ANO10: variants seen among roughly 807,000 people sequenced by gnomAD.
ANO10 encodes the protein anoctamin-10.
In ANO10, 77 loss-of-function variants were observed where a neutral mutation model predicts 74.7. The ratio of observed to expected loss-of-function variants is 1.03; its 90% CI spans 0.86 to 1.25. The LOEUF is 1.25. ANO10 is among the 50% of genes most tolerant of loss of function. The probability of loss-of-function intolerance (pLI) is 0.00; values close to 1 mark genes in which losing one functional copy is unlikely to be tolerated. For missense variants in ANO10, 721 were observed against 778.1 expected (o/e 0.93, Z 0.87); for synonymous variants, 279 against 284.9 (o/e 0.98, Z 0.21).
chr3:43,462,863 G>A (rs889787967), intron 11 of ANO10, among the ~76,000 whole-genome samples: 8 of 152,320 alleles, frequency 5.3e-5, no homozygotes, highest in African/African-American at 1.9e-4. Flanking sequence ...GGCTGAAAGG[G>A]GCCAATGTAG....
chr3:43,446,085 C>T (rs1174880481), intron 11 of ANO10, among the ~76,000 whole-genome samples: 1 of 152,146 alleles, frequency 6.6e-6, no homozygotes, highest in Non-Finnish European at 1.5e-5. Context: ...GTGTAGAATT[C>T]TTAGAGTGGG....
chr3:43,479,299 C>T (rs562621422), intron 11 of ANO10, among the ~76,000 whole-genome samples: 2 of 152,238 alleles, frequency 1.3e-5, no homozygotes, highest in Admixed American at 6.5e-5. Context: ...GTTTCTATAC[C>T]TAATTATCCT....
chr3:43,484,114 G>A (rs2076374356), intron 11 of ANO10, among the ~76,000 whole-genome samples: 1 of 151,974 alleles, frequency 6.6e-6, no homozygotes. Flanking sequence ...TTGTTTGTTT[G>A]TAGAGATGGG....
At chr3:43,691,340 C>G in intron 1 of ANO10, 1 of 248,866 alleles carries the variant, frequency 4.0e-6, no homozygotes. Flanking sequence ...AGCCACCCCG[C>G]GGGCCGGCGA....
At chr3:43,428,796 C>CAAAGAAAAA (rs2092936554) in intron 12 of ANO10, among the ~76,000 whole-genome samples, 1 of 55,424 alleles carries the variant, frequency 1.8e-5, no homozygotes, top group African/African-American at 6.7e-5. Context: ...TTTGTGAATG[C>CAAAGAAAAA]AAAAAAAAAA....
chr3:43,588,996 A>C (rs2081600378), intron 4 of ANO10, among the ~76,000 whole-genome samples: 1 of 152,196 alleles, frequency 6.6e-6, no homozygotes, highest in African/African-American at 2.4e-5. Context: ...CAAAATTAAC[A>C]ATGTATACGT....
intron 7 of ANO10, among the ~76,000 whole-genome samples, chr3:43,566,168 C>G (rs1465926323): frequency 6.6e-6 from 1 of 152,222 alleles, no homozygotes; most frequent in African/African-American, 2.4e-5. Flanking sequence ...TATCCTGCAC[C>G]TGGCTCGGAG....
chr3:43,614,067 T>C (rs2082965521), intron 1 of ANO10, among the ~76,000 whole-genome samples: 1 of 152,038 alleles, frequency 6.6e-6, no homozygotes, highest in Admixed American at 6.6e-5. Flanking sequence ...GTGAAAAAAA[T>C]AGCAAAGTTG....
intron 1 of ANO10, chr3:43,691,040 G>A (rs1178656853): frequency 5.1e-6 from 8 of 1,556,164 alleles, no homozygotes; most frequent in East Asian, 2.6e-5. Flanking sequence ...CCGGAGAGAG[G>A]TAAGCGCAGC....
intron 5 of ANO10, among the ~76,000 whole-genome samples, chr3:43,579,336 G>C (rs1455751889): frequency 6.6e-6 from 1 of 152,158 alleles, no homozygotes; most frequent in Non-Finnish European, 1.5e-5. Flanking sequence ...GTGTGGCATA[G>C]CTTGTTTCAT....
chr3:43,466,028 A>G (rs2075596427), intron 11 of ANO10, among the ~76,000 whole-genome samples: 1 of 152,142 alleles, frequency 6.6e-6, no homozygotes, highest in African/African-American at 2.4e-5. Context: ...AACAACTTGA[A>G]AAAAGAACAA....
intron 11 of ANO10, 90 bp downstream of exon 11, chr3:43,549,630 G>A: frequency 1.4e-6 from 2 of 1,434,892 alleles, no homozygotes; most frequent in Non-Finnish European, 9.8e-7. Flanking sequence ...TTGCTCAATT[G>A]TCAGTCATGG....
chr3:43,522,956 G>A (rs146160706), intron 11 of ANO10, among the ~76,000 whole-genome samples: 2 of 152,172 alleles, frequency 1.3e-5, no homozygotes, highest in South Asian at 4.1e-4. Context: ...TAGATCATGT[G>A]CCCACGTCCA....
intron 3 of ANO10, among the ~76,000 whole-genome samples, chr3:43,599,245 A>C (rs2082226191): frequency 6.6e-6 from 1 of 152,210 alleles, no homozygotes; most frequent in South Asian, 2.1e-4. Flanking sequence ...AAGTGAATCC[A>C]AAGAAGTCTA....
chr3:43,548,659 C>T (rs1011910330), intron 11 of ANO10, among the ~76,000 whole-genome samples: 11 of 152,166 alleles, frequency 7.2e-5, no homozygotes, highest in African/African-American at 2.7e-4. Flanking sequence ...ATATGAAACA[C>T]CATTCAGGAT....
chr3:43,385,383 C>T (rs1325737573), intron 12 of ANO10, among the ~76,000 whole-genome samples: 2 of 152,038 alleles, frequency 1.3e-5, no homozygotes, highest in African/African-American at 2.4e-5. Flanking sequence ...ATAGATCCAC[C>T]CCAATCCAGC....
At chr3:43,644,084 TTTTGTTTG>T (rs377459865) in intron 1 of ANO10, among the ~76,000 whole-genome samples, 115 of 152,174 alleles carry the variant, frequency 7.6e-4, no homozygotes, top group African/African-American at 2.6e-3. Context: ...TCCCTGATTT[TTTTGTTTG>T]TTTGTTTGTT....
intron 5 of ANO10, among the ~76,000 whole-genome samples, chr3:43,577,555 C>T (rs2081073218): frequency 6.6e-6 from 1 of 152,182 alleles, no homozygotes; most frequent in African/African-American, 2.4e-5. Flanking sequence ...CAAAGGAAAA[C>T]TCATCTTGTA....
intron 1 of ANO10, among the ~76,000 whole-genome samples, chr3:43,607,663 A>T (rs1343224858): frequency 6.6e-6 from 1 of 152,256 alleles, no homozygotes; most frequent in East Asian, 1.9e-4. Context: ...GAGAAAAGTT[A>T]CTACGTATGA....
Sources: allele counts gnomAD v4.1 joint callset (sites outside exome capture counted in the v4.1 genomes callset), GRCh38; gene constraint gnomAD v4.1.1; transcripts MANE v1.5; gene names NCBI Gene and HGNC (gene_info 2026-07-23, HGNC 2026-07-21).